DSCAM: variants seen among roughly 807,000 people sequenced by gnomAD.
The protein encoded by DSCAM is DS cell adhesion molecule, also known as cell adhesion molecule DSCAM.
Under a neutral mutation model 217.7 loss-of-function variants are expected in DSCAM, and 47 were observed. That is an observed-to-expected ratio of 0.22 (90% CI 0.17 to 0.28). The LOEUF (loss-of-function observed/expected upper bound fraction) is 0.28, where lower values mean the gene tolerates loss of function less well. Among genes scored for constraint, DSCAM ranks in the 10% least tolerant of loss-of-function variants. The pLI is 1.00. For missense variants in DSCAM, 2,080 were observed against 2,618.3 expected, an observed-to-expected ratio of 0.79 and a Z score of 4.49; for synonymous variants, 1,056 against 1,015.3, an observed-to-expected ratio of 1.04 and a Z score of -0.76.
At chr21:40,345,447 T>C (rs767367308) in intron 6 of DSCAM, among the ~76,000 whole-genome samples, 3 of 152,198 alleles carry the variant, frequency 2.0e-5, no homozygotes, top group Non-Finnish European at 4.4e-5. Context: ...CTTGTTTTTA[T>C]CATCTTGGGA....
intron 8 of DSCAM, among the ~76,000 whole-genome samples, chr21:40,316,153 A>G (rs2123503721): frequency 6.6e-6 from 1 of 152,350 alleles, no homozygotes; most frequent in Middle Eastern, 3.4e-3. Flanking sequence ...AAATGGTTAA[A>G]ATAAATATTA....
intron 1 of DSCAM, among the ~76,000 whole-genome samples, chr21:40,818,654 G>A (rs2091903700): frequency 1.4e-5 from 2 of 144,664 alleles, no homozygotes; most frequent in South Asian, 4.9e-4. Flanking sequence ...TTAACTGAAG[G>A]TTTAGAAATC....
chr21:40,349,992 G>A (rs1395971555), intron 5 of DSCAM, among the ~76,000 whole-genome samples: 1 of 152,116 alleles, frequency 6.6e-6, no homozygotes, highest in Non-Finnish European at 1.5e-5. Context: ...AACATCTCTT[G>A]TAGATGGCAG....
chr21:40,135,417 G>T (rs448324), intron 18 of DSCAM, among the ~76,000 whole-genome samples: 50,186 of 152,110 alleles, frequency 0.33, 9,378 homozygotes, highest in South Asian at 0.5. Flanking sequence ...AATTACTTTT[G>T]CAACCCATTC....
At chr21:40,191,600 A>G (rs752961428) in intron 11 of DSCAM, among the ~76,000 whole-genome samples, 1 of 152,230 alleles carries the variant, frequency 6.6e-6, no homozygotes, top group African/African-American at 2.4e-5. Flanking sequence ...TACACTTAAT[A>G]TTGCATTCGC....
intron 2 of DSCAM, among the ~76,000 whole-genome samples, chr21:40,705,218 T>C (rs903373932): frequency 1.3e-5 from 2 of 152,226 alleles, no homozygotes; most frequent in African/African-American, 4.8e-5. Flanking sequence ...TCTTTGTTGC[T>C]TCCATGTTTT....
At chr21:40,422,086 T>C (rs564846994) in intron 3 of DSCAM, among the ~76,000 whole-genome samples, 10 of 152,378 alleles carry the variant, frequency 6.6e-5, no homozygotes, top group Admixed American at 3.9e-4. Context: ...CACTGATGCA[T>C]GTCCTGCTCA....
At chr21:40,283,412 C>G (rs973270892) in intron 10 of DSCAM, among the ~76,000 whole-genome samples, 8 of 152,174 alleles carry the variant, frequency 5.3e-5, no homozygotes, top group Admixed American at 5.2e-4. Flanking sequence ...AAGGCACATA[C>G]TGAATTGCTA....
intron 3 of DSCAM, among the ~76,000 whole-genome samples, chr21:40,572,535 G>T (rs975660760): frequency 1.3e-5 from 2 of 152,056 alleles, no homozygotes; most frequent in African/African-American, 4.8e-5. Context: ...TAAAGAGATA[G>T]ATATTTGAAA....
At chr21:40,127,355 T>C (rs957358924) in intron 19 of DSCAM, among the ~76,000 whole-genome samples, 2 of 152,228 alleles carry the variant, frequency 1.3e-5, no homozygotes, top group Non-Finnish European at 2.9e-5. Flanking sequence ...AAAAACGGTA[T>C]ATGTCTGTCT....
chr21:40,264,310 T>G (rs969986776), intron 11 of DSCAM, among the ~76,000 whole-genome samples: 1 of 152,092 alleles, frequency 6.6e-6, no homozygotes, highest in Non-Finnish European at 1.5e-5. Context: ...AACACAATAC[T>G]AGCAAACCAA....
chr21:40,114,732 C>G (rs1420535607), intron 20 of DSCAM, among the ~76,000 whole-genome samples: 1 of 152,178 alleles, frequency 6.6e-6, no homozygotes, highest in Non-Finnish European at 1.5e-5. Flanking sequence ...AAACAAACAA[C>G]CCCATCAAAA....
chr21:40,274,419 T>TAAGGCC (rs2073659833), intron 11 of DSCAM, among the ~76,000 whole-genome samples: 1 of 152,200 alleles, frequency 6.6e-6, no homozygotes, highest in African/African-American at 2.4e-5. Flanking sequence ...CTCATGAGGG[T>TAAGGCC]AAGGCCCATG....
intron 11 of DSCAM, among the ~76,000 whole-genome samples, chr21:40,218,620 A>G (rs2091264337): frequency 1.3e-5 from 2 of 150,748 alleles, no homozygotes; most frequent in Admixed American, 6.6e-5. Flanking sequence ...CCTATACATG[A>G]GCTTGGGATT....
At position 40,097,954 on chromosome 21, in the gene DSCAM, AAAAGAAAGAAAGAAAGAAAG is replaced by A. The variant is rs61675667; in HGVS notation, c.3697-4100_3697-4081del. ...AGACTCTGTCTCAAAAAAAAAAAAAAAAAGAAAGAAAGAAAGAAAGAAAGAAAGAAAGAAAGAAAGAAAGA... is the reference window on the plus strand; with the variant it reads ...AGACTCTGTCTCAAAAAAAAAAAAAAAAAGAAAGAAAGAAAGAAAGAAAGA... On this transcript the variant is annotated intron_variant, in intron 20 of 32. Transcript: ENST00000400454. 1.6e-3 allele frequency among the ~76,000 whole-genome samples: 85 copies of A among 51,518 alleles called. 3 individuals carry two copies. The highest frequency in any genetic ancestry group is 0.014 in the East Asian group (18 of 1,282). The allele number at this position is 51,518 out of a possible 152,430, so 33.8% of individuals were successfully genotyped here.
intron 11 of DSCAM, among the ~76,000 whole-genome samples, chr21:40,206,163 C>G (rs2837502): frequency 0.52 from 78,996 of 152,052 alleles, 22,492 homozygotes; most frequent in African/African-American, 0.77. Context: ...GGTAAAGAGA[C>G]CTTTGAACAC....
rs150906052 is a variant in DSCAM, at chr21:40,100,536, C to G, written c.3697-6662G>C. Among the ~76,000 whole-genome samples, 36 of 152,176 alleles carry G rather than the reference C, an allele frequency of 2.4e-4. No homozygotes were observed. The East Asian group carries it at 5.8e-3, about 25-fold the overall frequency. ...CATGCATATTTTATTACGTAGCACT[C>G]TCTTCCAAATATAGAGAATGTTCAA... is the stretch of plus-strand genomic sequence containing the variant. On this transcript the variant is annotated intron_variant, in intron 20 of 32. Coordinates refer to ENST00000400454, the MANE Select transcript of DSCAM (RefSeq NM_001389.5).
At chr21:40,561,277 C>G (rs896100601) in intron 3 of DSCAM, among the ~76,000 whole-genome samples, 2 of 152,248 alleles carry the variant, frequency 1.3e-5, no homozygotes, top group South Asian at 4.2e-4. Flanking sequence ...GTGCCTGCAC[C>G]CAGCACCCCC....
chr21:40,833,641 G>GA (rs2092030157), intron 1 of DSCAM, among the ~76,000 whole-genome samples: 1 of 152,174 alleles, frequency 6.6e-6, no homozygotes, highest in South Asian at 2.1e-4. Flanking sequence ...CATAAGAAAA[G>GA]AAAGAAAATA....
Sources: gnomAD v4.1 joint callset for allele counts (sites outside exome capture counted in the v4.1 genomes callset) on GRCh38, gnomAD v4.1.1 for gene constraint, MANE v1.5 for transcripts, NCBI Gene and HGNC (gene_info 2026-07-23, HGNC 2026-07-21) for gene names.